CHD1: variants seen among roughly 807,000 people sequenced by gnomAD.
CHD1 encodes the protein ATP-dependent chromatin remodeler CHD1.
Under a neutral mutation model 224.2 loss-of-function variants are expected in CHD1, and 36 were observed. The ratio of observed to expected loss-of-function variants is 0.16; its 90% CI spans 0.12 to 0.21. CHD1 has a LOEUF of 0.21. Among genes scored for constraint, CHD1 ranks in the 10% least tolerant of loss-of-function variants. CHD1 has a pLI of 1.00. For synonymous variants in CHD1, 668 were observed against 658.3 expected, an observed-to-expected ratio of 1.01 and a Z score of -0.23; for missense variants, 1,378 against 1,994.8, an observed-to-expected ratio of 0.69 and a Z score of 5.89.
Position 98,869,945 on chromosome 5 carries a change from C to A in CHD1, c.3979-63G>T, listed in dbSNP as rs1749209765. 3.1e-6 allele frequency: 4 copies of A among 1,272,084 alleles called. No homozygotes were observed. The South Asian group carries it at 5.3e-5, about 17-fold the overall frequency. The allele number at this position is 1,272,084 out of a possible 1,614,324, so 78.8% of individuals were successfully genotyped here. A position where few individuals can be genotyped will look rare whatever the true frequency, so the allele number is the denominator to read the frequency against. On this transcript the variant is annotated intron_variant, in intron 29 of 35. Transcript: ENST00000614616. ...ATTTCATTTTTAAAAACTTCATAAACATTAAATCCAAGGGCTAGAACACAT... is the reference window on the plus strand; with the variant it reads ...ATTTCATTTTTAAAAACTTCATAAAAATTAAATCCAAGGGCTAGAACACAT...
chr5:98,883,325 G>T, intron 18 of CHD1, 88 bp from the exon 19 acceptor site: 2 of 803,852 alleles, frequency 2.5e-6, no homozygotes, highest in Non-Finnish European at 3.8e-6. Flanking sequence ...CAGAAAGGCA[G>T]TTTTTAAAAC....
chr5:98,886,240 T>C (rs568423694), intron 17 of CHD1: 14 of 152,332 alleles, frequency 9.2e-5, no homozygotes, highest in African/African-American at 3.1e-4. Flanking sequence ...TGAAGCATCA[T>C]GGGTTCTAGT....
intron 28 of CHD1, among the ~76,000 whole-genome samples, chr5:98,871,358 C>T (rs554195231): frequency 2.5e-3 from 285 of 115,546 alleles, no homozygotes; most frequent in African/African-American, 9.6e-3. Context: ...CCCAGTGTTT[C>T]CCATTTTAGG....
chr5:98,905,198 A>G (rs1388992264), intron 2 of CHD1, 100 bp from the exon 3 acceptor site: 2 of 1,375,912 alleles, frequency 1.5e-6, no homozygotes, highest in Non-Finnish European at 2.0e-6. Context: ...TTTACTTCAT[A>G]CTTAATATTT....
In CHD1 at chr5:98,911,146, A is replaced by AATATATAT. The variant is rs1158932549; in HGVS notation, c.54-6056_54-6049dup. Among the ~76,000 whole-genome samples the AATATATAT allele has an allele frequency of 7.1e-3, 278 of 39,076 alleles. 3 individuals are homozygous for AATATATAT. Among genetic ancestry groups the AATATATAT allele is most frequent in the Non-Finnish European group, 7.0e-3 (155 of 22,222 alleles). The allele number at this position is 39,076 out of a possible 152,430, so 25.6% of individuals were successfully genotyped here. On this transcript the variant is annotated intron_variant, in intron 2 of 35. Transcript: ENST00000614616. The stretch of plus-strand genomic sequence containing the variant: ...TGCTAAAATGAAAAAAAAAAAAAAA[A>AATATATAT]ATATATATATATATATATATATATA...
intron 34 of CHD1, 176 bp downstream of exon 34, chr5:98,858,783 TAAGAG>T: frequency 2.1e-6 from 1 of 465,388 alleles, no homozygotes; most frequent in African/African-American, 2.0e-5. Flanking sequence ...AACTACAGTT[TAAGAG>T]AATACATTTT....
At chr5:98,902,818 G>T in intron 5 of CHD1, 82 bp downstream of exon 5, 1 of 854,346 alleles carries the variant, frequency 1.2e-6, no homozygotes, top group Non-Finnish European at 1.8e-6. Flanking sequence ...TCTCCTTTTG[G>T]CAACAATTTT....
intron 1 of CHD1, 90 bp downstream of exon 1, chr5:98,928,449 C>G (rs1185386830): frequency 6.5e-6 from 1 of 153,612 alleles, no homozygotes; most frequent in African/African-American, 2.4e-5. Context: ...GCTGGGCCGC[C>G]GCCTGGGCAC....
intron 18 of CHD1, among the ~76,000 whole-genome samples, chr5:98,884,871 A>G (rs1750534323): frequency 6.6e-6 from 1 of 151,814 alleles, no homozygotes. Context: ...GAGTGCCACT[A>G]TGCCCAGTTT....
Position 98,893,757 on chromosome 5 carries a change from C to T in CHD1, c.1801-151G>A, listed in dbSNP as rs1034070438. On this transcript the variant is annotated intron_variant, in intron 13 of 35. Coordinates refer to ENST00000614616, the MANE Select transcript of CHD1 (RefSeq NM_001270.4). ...ATAAAAAATCGTAATCTCAAGATTA[C>T]AATACATAAGTAACTCAGCACATAT... The T allele has an allele frequency of 3.8e-5, 22 of 578,544 alleles. No homozygotes were observed. In the Admixed American group the frequency reaches 4.4e-4, roughly 12 times the overall value. 35.8% of individuals were successfully genotyped at this position (578,544 alleles called of 1,614,324 possible).
chr5:98,864,812 TTTTAG>T (rs1394615601), intron 31 of CHD1, among the ~76,000 whole-genome samples: 1 of 152,222 alleles, frequency 6.6e-6, no homozygotes, highest in African/African-American at 2.4e-5. Flanking sequence ...CCTTTCTAAC[TTTTAG>T]TTTATTCATT....
chr5:98,872,861 G>A (rs889865984), intron 26 of CHD1, among the ~76,000 whole-genome samples: 5 of 152,102 alleles, frequency 3.3e-5, no homozygotes, highest in Non-Finnish European at 5.9e-5. Context: ...TCACTCTGTC[G>A]CCCAGGCTGG....
At chr5:98,878,330 G>A (rs1380123330) in intron 23 of CHD1, among the ~76,000 whole-genome samples, 2 of 152,214 alleles carry the variant, frequency 1.3e-5, no homozygotes, top group Non-Finnish European at 2.9e-5. Flanking sequence ...AACAGAATAA[G>A]ATCTAATACG....
intron 15 of CHD1, among the ~76,000 whole-genome samples, chr5:98,891,728 T>C (rs932100082): frequency 1.3e-5 from 2 of 152,128 alleles, no homozygotes; most frequent in Non-Finnish European, 2.9e-5. Context: ...CCAGAATCAT[T>C]TGAAACCAGA....
intron 2 of CHD1, 75 bp from the exon 3 acceptor site, chr5:98,905,173 C>T (rs1751963157): frequency 1.7e-5 from 27 of 1,549,708 alleles, no homozygotes; most frequent in Non-Finnish European, 2.0e-5. Flanking sequence ...AGCAGAAAGC[C>T]CCAAATCATT....
intron 33 of CHD1, 83 bp from the exon 34 acceptor site, chr5:98,859,098 T>A: frequency 9.7e-7 from 1 of 1,034,690 alleles, no homozygotes; most frequent in Admixed American, 2.4e-5. Flanking sequence ...TAGAAAATAC[T>A]GATAATGAAG....
chr5:98,867,810 T>C (rs1749007951), intron 31 of CHD1, among the ~76,000 whole-genome samples: 1 of 147,870 alleles, frequency 6.8e-6, no homozygotes, highest in South Asian at 2.2e-4. Context: ...TTTTTTTTTT[T>C]TTTTTTTTGA....
Position 98,900,801 on chromosome 5 carries a change from T to A in CHD1, c.859+10A>T, listed in dbSNP as rs773372928. The A allele has an allele frequency of 3.7e-6, 6 of 1,602,662 alleles. No homozygotes were observed. The highest frequency in any genetic ancestry group is 1.7e-5 in the Admixed American group (1 of 57,260). On this transcript the variant is annotated intron_variant, in intron 7 of 35. Coordinates refer to ENST00000614616, the MANE Select transcript of CHD1 (RefSeq NM_001270.4). ...AATAACCAAACAATAAATGGTTTTT[T>A]AAAAACTACCTCCTTTTCTCCCAAT... is the stretch of plus-strand genomic sequence containing the variant.
At chr5:98,858,669 C>T in intron 34 of CHD1, 1 of 424,192 alleles carries the variant, frequency 2.4e-6, no homozygotes, top group Non-Finnish European at 4.1e-6. Context: ...GAATGCATTA[C>T]TATTCCAAAT....
Sources: allele counts gnomAD v4.1 joint callset (sites outside exome capture counted in the v4.1 genomes callset), GRCh38; gene constraint gnomAD v4.1.1; transcripts MANE v1.5; gene names NCBI Gene and HGNC (gene_info 2026-07-23, HGNC 2026-07-21).